Variants in SERINC5 observed in about 807,000 individuals in gnomAD.
The protein encoded by SERINC5 is serine incorporator 5, also known as chromosome 5 open reading frame 12.
In SERINC5, 41 loss-of-function variants were observed where a neutral mutation model predicts 63.1. That is an observed-to-expected ratio of 0.65 (90% confidence interval 0.51 to 0.84). SERINC5 has a LOEUF of 0.84. Among genes scored for constraint, SERINC5 ranks in the 40% least tolerant of loss-of-function variants. The pLI is 0.00. For synonymous variants in SERINC5, 222 were observed against 215.2 expected, an observed-to-expected ratio of 1.03 and a Z score of -0.28; for missense variants, 523 against 573.0, an observed-to-expected ratio of 0.91 and a Z score of 0.89.
intron 1 of SERINC5, among the ~76,000 whole-genome samples, chr5:80,220,230 AAAG>A (rs761523359): frequency 1.1e-5 from 1 of 94,142 alleles, no homozygotes; most frequent in Non-Finnish European, 2.3e-5. Context: ...TAAAAAAAAA[AAAG>A]AGAGAGAGAG....
At position 80,151,483 on chromosome 5, in the gene SERINC5, T is replaced by C. The variant is rs145867505; in HGVS notation, c.987-535A>G. Among the ~76,000 whole-genome samples, 25 of 152,346 alleles carry C rather than the reference T, an allele frequency of 1.6e-4. No homozygotes were observed. The East Asian group carries it at 4.8e-3, about 29-fold the overall frequency. ...CCTGAGACCTAGAAAGGTAAAATGT[T>C]AGACAAATTGCCTTGCATGGGGCAA... is the stretch of plus-strand genomic sequence containing the variant. On this transcript the variant is annotated intron_variant, in intron 8 of 11. Coordinates refer to ENST00000507668, the MANE Select transcript of SERINC5 (RefSeq NM_001174072.3).
At position 80,142,148 on chromosome 5, in the gene SERINC5, T is replaced by C. The variant is rs2112288718; in HGVS notation, c.*1515A>G. 1.0e-6 allele frequency: 1 copy of C among 985,384 alleles called. No homozygotes were observed. The highest frequency in any genetic ancestry group is 1.2e-6 in the Non-Finnish European group (1 of 829,908). The allele number at this position is 985,384 out of a possible 1,614,324, so 61.0% of individuals were successfully genotyped here. On this transcript the variant is annotated 3_prime_UTR_variant, in exon 12 of 12. Transcript: ENST00000507668. Reference sequence around the variant, plus strand: ...TCGAGAAGATTCTTTCCACCCCGAATGAAATTCTAACAGGAGTTTCCACCA... The same window carrying C: ...TCGAGAAGATTCTTTCCACCCCGAACGAAATTCTAACAGGAGTTTCCACCA...
chr5:80,155,595 G>GGAGA (rs142849822), intron 8 of SERINC5, among the ~76,000 whole-genome samples: 1 of 145,122 alleles, frequency 6.9e-6, no homozygotes, highest in South Asian at 2.1e-4. Context: ...GAAGAAAGAA[G>GGAGA]GAGAGAGAGA....
intron 1 of SERINC5, among the ~76,000 whole-genome samples, chr5:80,235,096 C>T (rs1247985974): frequency 1.3e-5 from 2 of 152,174 alleles, no homozygotes; most frequent in East Asian, 3.8e-4. Flanking sequence ...CTCCTACCTC[C>T]TCTGGGCCCT....
intron 9 of SERINC5, 23 bp from the exon 10 acceptor site, chr5:80,147,307 C>G (rs772259277): frequency 2.5e-6 from 4 of 1,602,678 alleles, no homozygotes; most frequent in Non-Finnish European, 3.4e-6. Flanking sequence ...AAGCAACAGT[C>G]AGGCGGCTTG....
chr5:80,255,110 A>T (rs553892799), intron 1 of SERINC5: 1 of 152,400 alleles, frequency 6.6e-6, no homozygotes, highest in East Asian at 1.9e-4. Flanking sequence ...CTCTGCAGGA[A>T]GGAGTGAAAC....
At chr5:80,181,357 C>T (rs957287655) in intron 2 of SERINC5, among the ~76,000 whole-genome samples, 3 of 151,838 alleles carry the variant, frequency 2.0e-5, no homozygotes, top group Non-Finnish European at 4.4e-5. Flanking sequence ...AGCCATCCTC[C>T]TACCTCAGCT....
At chr5:80,146,837 G>C (rs1443054401) in intron 10 of SERINC5, among the ~76,000 whole-genome samples, 2 of 152,156 alleles carry the variant, frequency 1.3e-5, no homozygotes, top group African/African-American at 2.4e-5. Context: ...CAGAAAGTGA[G>C]AGTAAAACAA....
chr5:80,168,657 T>C (rs1459045151), intron 6 of SERINC5, among the ~76,000 whole-genome samples: 1 of 152,224 alleles, frequency 6.6e-6, no homozygotes, highest in South Asian at 2.1e-4. Flanking sequence ...GACATCTCAC[T>C]GTAAGCCCAA....
At position 80,215,066 on chromosome 5, in the gene SERINC5, C is replaced by CGATAT. The variant is rs370043875; in HGVS notation, c.28-12018_28-12014dup. ...TAAAATAAAAAAATTAAACAGCTAT[C>CGATAT]GATATGGCTAGGATTTGTGTCCCCA... On this transcript the variant is annotated intron_variant, in intron 1 of 11. Transcript: ENST00000507668. Among the ~76,000 whole-genome samples the CGATAT allele has an allele frequency of 2.7e-3, 409 of 152,262 alleles. 1 individual carries two copies. The highest frequency in any genetic ancestry group is 9.5e-3 in the African/African-American group (395 of 41,544).
At chr5:80,237,837 C>T (rs1336269359) in intron 1 of SERINC5, among the ~76,000 whole-genome samples, 3 of 151,994 alleles carry the variant, frequency 2.0e-5, no homozygotes, top group Non-Finnish European at 4.4e-5. Flanking sequence ...GGCACGGTGG[C>T]TCACGCCTGT....
intron 11 of SERINC5, chr5:80,113,636 A>G (rs1019356750): frequency 4.5e-5 from 13 of 289,558 alleles, no homozygotes; most frequent in South Asian, 9.7e-5. Context: ...CTTACATGGC[A>G]GCAGCAAGAG....
chr5:80,195,019 G>A (rs1487853936), intron 2 of SERINC5, among the ~76,000 whole-genome samples: 2 of 152,130 alleles, frequency 1.3e-5, no homozygotes, highest in African/African-American at 4.8e-5. Context: ...AGGTGTGGTG[G>A]CTCACACCTG....
chr5:80,178,535 GTA>G (rs1748196408), intron 2 of SERINC5, among the ~76,000 whole-genome samples: 2 of 81,560 alleles, frequency 2.5e-5, no homozygotes, highest in Admixed American at 2.0e-4. Context: ...GCTAATTTTT[GTA>G]TTTTTTTTTT....
chr5:80,148,644 G>A (rs1469084530), intron 9 of SERINC5, among the ~76,000 whole-genome samples: 1 of 151,682 alleles, frequency 6.6e-6, no homozygotes, highest in African/African-American at 2.4e-5. Context: ...CTCCAGCCTG[G>A]GTGACAGAGT....
chr5:80,169,105 A>G (rs1276125464), intron 6 of SERINC5, among the ~76,000 whole-genome samples: 10 of 152,156 alleles, frequency 6.6e-5, no homozygotes, highest in Non-Finnish European at 1.2e-4. Context: ...CTATTCATTG[A>G]CTTCGTTACG....
At chr5:80,134,653 T>G (rs1745084262), downstream of SERINC5, among the ~76,000 whole-genome samples, 1 of 152,232 alleles carries the variant, frequency 6.6e-6, no homozygotes, top group South Asian at 2.1e-4. Context: ...GTCATAATCC[T>G]CTCAGTTATA....
chr5:80,250,802 T>C (rs750264237), intron 1 of SERINC5, among the ~76,000 whole-genome samples: 6 of 152,172 alleles, frequency 3.9e-5, no homozygotes, highest in Non-Finnish European at 7.3e-5. Context: ...CTAATTGCAT[T>C]TACAGCGACC....
chr5:80,150,211 T>G (rs1241837446), intron 9 of SERINC5, among the ~76,000 whole-genome samples: 2 of 152,064 alleles, frequency 1.3e-5, no homozygotes, highest in Non-Finnish European at 2.9e-5. Context: ...CAGACAAGTA[T>G]GAAACAGGTG....
Sources: gnomAD v4.1 joint callset for allele counts (sites outside exome capture counted in the v4.1 genomes callset) on GRCh38, gnomAD v4.1.1 for gene constraint, MANE v1.5 for transcripts, NCBI Gene and HGNC (gene_info 2026-07-23, HGNC 2026-07-21) for gene names.